The following ATP10B variants were observed in gnomAD, a reference collection of about 807,000 sequenced individuals.
ATP10B encodes the protein phospholipid-transporting ATPase VB.
A neutral mutation model predicts 141.2 loss-of-function variants in ATP10B; 122 were observed. The ratio of observed to expected loss-of-function variants is 0.86; its 90% CI spans 0.75 to 1.00. ATP10B has a LOEUF of 1.00. Ranked by LOEUF, ATP10B falls within the 50% of genes least tolerant of loss-of-function variation. ATP10B has a pLI of 0.00. For missense variants in ATP10B, 1,876 were observed against 1,825.3 expected (o/e 1.03, Z -0.51); for synonymous variants, 685 against 692.0 (o/e 0.99, Z 0.16).
chr5:160,632,577 G>A (rs1759012024), intron 12 of ATP10B: 1 of 369,672 alleles, frequency 2.7e-6, no homozygotes, highest in East Asian at 4.1e-5. Flanking sequence ...CTAGTTATGT[G>A]ACTTTGAGCT....
At chr5:160,885,450 G>C in the ATP10B span, among the ~76,000 whole-genome samples, 1 of 152,226 alleles carries the variant, frequency 6.6e-6, no homozygotes, top group African/African-American at 2.4e-5. Context: ...AATGGACCCA[G>C]AAATAACTTT....
At chr5:160,774,874 G>A (rs1284672297) in intron 2 of ATP10B, among the ~76,000 whole-genome samples, 1 of 152,122 alleles carries the variant, frequency 6.6e-6, no homozygotes, top group East Asian at 1.9e-4. Flanking sequence ...CAATCTCACA[G>A]TGTCTTAGGG....
the ATP10B span, among the ~76,000 whole-genome samples, chr5:160,861,997 C>T: frequency 6.6e-6 from 1 of 151,894 alleles, no homozygotes; most frequent in African/African-American, 2.4e-5. Context: ...CTCATATCTG[C>T]TTATGCATTC....
the ATP10B span, among the ~76,000 whole-genome samples, chr5:160,912,649 A>G: frequency 6.6e-6 from 1 of 151,718 alleles, no homozygotes; most frequent in Non-Finnish European, 1.5e-5. Context: ...AGTAAAGAGA[A>G]GAGAGAAAAA....
At chr5:160,817,947 T>A (rs1041989459) in intron 1 of ATP10B, among the ~76,000 whole-genome samples, 1 of 152,358 alleles carries the variant, frequency 6.6e-6, no homozygotes, top group East Asian at 1.9e-4. Context: ...GCTAGCCATA[T>A]GTAGGAAGCT....
chr5:160,684,807 A>G, intron 6 of ATP10B: 2 of 661,730 alleles, frequency 3.0e-6, no homozygotes, highest in Non-Finnish European at 5.5e-6. Flanking sequence ...GGCTGGGCCC[A>G]AGACTTCCCC....
intron 3 of ATP10B, among the ~76,000 whole-genome samples, chr5:160,716,185 T>C (rs10476331): frequency 0.51 from 78,239 of 151,976 alleles, 21,059 homozygotes; most frequent in Middle Eastern, 0.65. Flanking sequence ...CATCAAAGAG[T>C]AGAATAAAAA....
rs543711010 is a variant in ATP10B at position 160,684,821 on chromosome 5, G to GT, written c.470+1257dup. ...AGGCTGGGCCCAAGACTTCCCCAGA[G>GT]TTTTTTGCTTTACCTGCTGTAGATG... is the stretch of plus-strand genomic sequence containing the variant. On this transcript the variant is annotated intron_variant, in intron 6 of 25. Transcript: ENST00000327245. 324 of 674,264 alleles carry GT rather than the reference G, an allele frequency of 4.8e-4. 1 individual carries two copies. In the East Asian group the frequency reaches 8.1e-3, roughly 17 times the overall value. 41.8% of individuals were successfully genotyped at this position (674,264 alleles called of 1,614,324 possible).
chr5:160,613,363 T>C (rs1246722916), intron 17 of ATP10B, among the ~76,000 whole-genome samples: 3 of 152,098 alleles, frequency 2.0e-5, no homozygotes, highest in Non-Finnish European at 2.9e-5. Flanking sequence ...AGGTGAGAGA[T>C]GAGGCCAGAA....
the ATP10B span, among the ~76,000 whole-genome samples, chr5:160,860,970 G>A: frequency 6.6e-6 from 1 of 152,004 alleles, no homozygotes; most frequent in Non-Finnish European, 1.5e-5. Flanking sequence ...GCTTCAGTAG[G>A]TCATATTATT....
At chr5:160,864,068 A>C in the ATP10B span, among the ~76,000 whole-genome samples, 3 of 152,094 alleles carry the variant, frequency 2.0e-5, no homozygotes, top group Admixed American at 6.6e-5. Context: ...TAAAGAGGGA[A>C]TCCTCCCTAA....
At chr5:160,759,626 A>G (rs1768883033) in intron 2 of ATP10B, among the ~76,000 whole-genome samples, 1 of 152,168 alleles carries the variant, frequency 6.6e-6, no homozygotes, top group Non-Finnish European at 1.5e-5. Context: ...ATAGACACCT[A>G]TGGCAATAGG....
chr5:160,612,758 T>C lies in ATP10B; in HGVS notation c.2821A>G (p.Ile941Val), dbSNP rs200967694. The change falls in exon 18 of 26, where the codon ATC (isoleucine) becomes GTC (valine). Residue 941 changes from isoleucine (I) to valine (V), a missense_variant. By Grantham distance (29) the Ile-to-Val change is conservative (BLOSUM62 3). Transcript: ENST00000327245. Reference protein sequence around the residue: ...LLNQTDTVYTINTENQETCES... With the variant: ...LLNQTDTVYTVNTENQETCES... ...CACCTCACCTGATTCTCTGTATTGA[T>C]GGTATAAACAGTGTCGGTCTGATTT... 2.1e-5 allele frequency: 34 copies of C among 1,613,746 alleles called. No individual in the cohort carries two copies. Among genetic ancestry groups the C allele is most frequent in the Non-Finnish European group, 2.8e-5 (33 of 1,179,810 alleles).
the ATP10B span, among the ~76,000 whole-genome samples, chr5:160,920,694 G>A: frequency 6.6e-6 from 1 of 152,240 alleles, no homozygotes; most frequent in Non-Finnish European, 1.5e-5. Context: ...CCTCAGAGAT[G>A]CTGATTTAGT....
At chr5:160,897,237 G>A in the ATP10B span, among the ~76,000 whole-genome samples, 2,497 of 152,264 alleles carry the variant, frequency 0.016, 26 homozygotes, top group Non-Finnish European at 0.028. Flanking sequence ...CAAATAGGAA[G>A]AGAGGGAGTC....
chr5:160,620,569 G>C lies in ATP10B; in HGVS notation c.2194C>G (p.His732Asp), dbSNP rs201457175. 132 of 1,613,810 alleles carry C rather than the reference G, an allele frequency of 8.2e-5. No homozygotes were observed. Among genetic ancestry groups the C allele is most frequent in the Non-Finnish European group, 1.0e-4 (121 of 1,179,830 alleles). The change falls in exon 15 of 26, where the codon CAT becomes GAT. Residue 732 changes from histidine to aspartate, a missense_variant. Transcript: ENST00000327245. ...GACACTAGTGTGAAGCTGTAGGCATGGGCAGCGTGCACCAGGGCGGCCTCA... is the reference window on the plus strand; with the variant it reads ...GACACTAGTGTGAAGCTGTAGGCATCGGCAGCGTGCACCAGGGCGGCCTCA... ...PDEAALVHAA[H>D]AYSFTLVSRT... is the part of the protein sequence containing the mutation.
intron 2 of ATP10B, among the ~76,000 whole-genome samples, chr5:160,723,547 A>G (rs1300030980): frequency 1.3e-5 from 2 of 152,210 alleles, no homozygotes; most frequent in African/African-American, 4.8e-5. Context: ...GGGAGTAAGC[A>G]TAATTTGTCC....
upstream of ATP10B, among the ~76,000 whole-genome samples, chr5:160,855,638 T>C (rs1753975597): frequency 1.3e-5 from 2 of 151,954 alleles, no homozygotes; most frequent in African/African-American, 2.4e-5. Flanking sequence ...TAAAGCAATA[T>C]TGAATCAATT....
chr5:160,801,568 A>G (rs1772370189), intron 1 of ATP10B, among the ~76,000 whole-genome samples: 2 of 152,240 alleles, frequency 1.3e-5, no homozygotes, highest in African/African-American at 4.8e-5. Flanking sequence ...TATCCAGAGT[A>G]GCACAGTCTT....
Sources: gnomAD v4.1 joint callset for allele counts (sites outside exome capture counted in the v4.1 genomes callset) on GRCh38, gnomAD v4.1.1 for gene constraint, MANE v1.5 for transcripts, NCBI Gene and HGNC (gene_info 2026-07-23, HGNC 2026-07-21) for gene names.